The following AGTPBP1 variants were observed in gnomAD, a reference collection of about 807,000 sequenced individuals.
AGTPBP1 encodes ATP/GTP binding carboxypeptidase 1.
A neutral mutation model predicts 143.9 loss-of-function variants in AGTPBP1; 70 were observed. The ratio of observed to expected loss-of-function variants is 0.49; its 90% confidence interval spans 0.40 to 0.59. The LOEUF is 0.59. Ranked by LOEUF, AGTPBP1 falls within the 20% of genes least tolerant of loss-of-function variation. AGTPBP1 has a pLI of 0.00. For missense variants in AGTPBP1, 1,229 were observed against 1,464.5 expected, an observed-to-expected ratio of 0.84 and a Z score of 2.62; for synonymous variants, 463 against 500.2, an observed-to-expected ratio of 0.93 and a Z score of 0.99.
intron 1 of AGTPBP1, among the ~76,000 whole-genome samples, chr9:85,722,317 T>G (rs141484699): frequency 1.3e-5 from 2 of 152,236 alleles, no homozygotes; most frequent in African/African-American, 4.8e-5. Context: ...CAATCAAACG[T>G]AGATTTGGTC....
At position 85,681,510 on chromosome 9, in the gene AGTPBP1, G is replaced by C. The variant is rs117814607; in HGVS notation, c.158-175C>G. Among the ~76,000 whole-genome samples the C allele has an allele frequency of 1.2e-4, 18 of 152,158 alleles. No homozygotes were observed. The East Asian group carries it at 3.3e-3, about 28-fold the overall frequency. On this transcript the variant is annotated intron_variant, in intron 3 of 25. Coordinates refer to ENST00000357081, the MANE Select transcript of AGTPBP1 (RefSeq NM_001330701.2). Reference sequence around the variant, plus strand: ...GCTAATTCTACCATATGTGGACTTCGAGATATCAGTTAACATGGCATTCTT... The same window carrying C: ...GCTAATTCTACCATATGTGGACTTCCAGATATCAGTTAACATGGCATTCTT...
intron 7 of AGTPBP1, 44 bp from the exon 8 acceptor site, chr9:85,669,622 C>G (rs754467042): frequency 2.7e-5 from 38 of 1,396,314 alleles, no homozygotes; most frequent in Non-Finnish European, 3.8e-5. Context: ...TAAGGTTTGA[C>G]AACCAAAAAT....
At chr9:85,694,339 C>T (rs1198494884) in intron 2 of AGTPBP1, among the ~76,000 whole-genome samples, 1 of 152,108 alleles carries the variant, frequency 6.6e-6, no homozygotes, top group Non-Finnish European at 1.5e-5. Context: ...CTTGTAGGCA[C>T]ACAAGTATGA....
Position 85,633,327 on chromosome 9 carries a change from T to C in AGTPBP1, c.1350A>G (p.Gly450=), listed in dbSNP as rs1431131391. ...SKEPKPFVFE[G]KVRGPIVVPT... ...GAACAACAATAGGACCACGTACTTT[T>C]CCCTCAAATACAAAAGGCTTTGGTT... Residue 450 remains glycine, a synonymous_variant, in exon 14 of 26, where the codon GGA becomes GGG. Coordinates refer to ENST00000357081, the MANE Select transcript of AGTPBP1 (RefSeq NM_001330701.2). 2.5e-6 allele frequency: 4 copies of C among 1,598,386 alleles called. No homozygotes were observed. Among genetic ancestry groups the C allele is most frequent in the Non-Finnish European group, 2.6e-6 (3 of 1,175,942 alleles).
intron 1 of AGTPBP1, among the ~76,000 whole-genome samples, chr9:85,740,991 G>A (rs1234998232): frequency 6.6e-6 from 1 of 152,182 alleles, no homozygotes; most frequent in African/African-American, 2.4e-5. Flanking sequence ...AACTCCAATT[G>A]CCCTGGTGCT....
the AGTPBP1 span, chr9:85,785,802 C>T: frequency 5.3e-6 from 1 of 189,276 alleles, no homozygotes; most frequent in Non-Finnish European, 1.1e-5. Context: ...CATGGAAAGG[C>T]ACCAGAGGTG....
chr9:85,733,160 T>C (rs561083627), intron 1 of AGTPBP1, among the ~76,000 whole-genome samples: 4 of 152,246 alleles, frequency 2.6e-5, no homozygotes, highest in African/African-American at 9.6e-5. Flanking sequence ...AACAAGGTAC[T>C]CAACAACAGA....
At chr9:85,574,566 A>G (rs542818995) in intron 25 of AGTPBP1, among the ~76,000 whole-genome samples, 1 of 152,236 alleles carries the variant, frequency 6.6e-6, no homozygotes, top group Admixed American at 6.5e-5. Context: ...CTACCTATTT[A>G]GAAGTATATT....
Position 85,588,335 on chromosome 9 carries a change from C to T in AGTPBP1, c.2866G>A (p.Val956Ile). Residue 956 changes from valine to isoleucine, a missense_variant, in exon 21 of 26, where the codon GTC becomes ATC. Val to Ile is a conservative substitution (Grantham distance 29). Coordinates refer to ENST00000357081, the MANE Select transcript of AGTPBP1 (RefSeq NM_001330701.2). ...ACACCATCTGGATTTAACATAGGGACAATTTTAAAAATATAAGATTCTCGT... is the reference window on the plus strand; with the variant it reads ...ACACCATCTGGATTTAACATAGGGATAATTTTAAAAATATAAGATTCTCGT... ...SLRESYIFKI[V>I]PMLNPDGVIN... 6.2e-7 allele frequency: 1 copy of T among 1,609,846 alleles called. No individual in the cohort carries two copies. The highest frequency in any genetic ancestry group is 8.5e-7 in the Non-Finnish European group (1 of 1,178,512).
At chr9:85,801,125 A>G in the AGTPBP1 span, among the ~76,000 whole-genome samples, 1 of 152,116 alleles carries the variant, frequency 6.6e-6, no homozygotes, top group South Asian at 2.1e-4. Flanking sequence ...TAGCCTGGCC[A>G]TCATGGTGAA....
chr9:85,675,677 A>C (rs1834781446), intron 6 of AGTPBP1, among the ~76,000 whole-genome samples: 2 of 152,228 alleles, frequency 1.3e-5, no homozygotes, highest in Non-Finnish European at 2.9e-5. Context: ...CACATGCAAT[A>C]GAATTCCTCA....
At chr9:85,681,659 C>A (rs1835182967) in intron 3 of AGTPBP1, among the ~76,000 whole-genome samples, 1 of 151,140 alleles carries the variant, frequency 6.6e-6, no homozygotes, top group Admixed American at 6.6e-5. Flanking sequence ...ACCTCATCTT[C>A]ATGAGTAGAA....
chr9:85,743,948 A>C (rs1824552302), upstream of AGTPBP1, among the ~76,000 whole-genome samples: 1 of 142,300 alleles, frequency 7.0e-6, no homozygotes. Context: ...TTTTTGAGAC[A>C]AGACTCTCAC....
chr9:85,642,649 C>T (rs1832559433), intron 13 of AGTPBP1, among the ~76,000 whole-genome samples, 178 bp downstream of exon 13: 1 of 152,140 alleles, frequency 6.6e-6, no homozygotes, highest in Non-Finnish European at 1.5e-5. Flanking sequence ...CCTCATTTTA[C>T]AATTGCTTAA....
At chr9:85,710,064 C>G (rs1000489889) in intron 2 of AGTPBP1, among the ~76,000 whole-genome samples, 1 of 152,052 alleles carries the variant, frequency 6.6e-6, no homozygotes, top group African/African-American at 2.4e-5. Context: ...TTCTATACAC[C>G]TCAAAATTTA....
intron 14 of AGTPBP1, among the ~76,000 whole-genome samples, chr9:85,625,927 G>A (rs1198573052): frequency 6.6e-5 from 7 of 105,836 alleles, no homozygotes; most frequent in Admixed American, 9.8e-5. Flanking sequence ...TTTTTTTTAG[G>A]ATATATGAAA....
At chr9:85,770,353 G>C in the AGTPBP1 span, 5 of 1,607,746 alleles carry the variant, frequency 3.1e-6, no homozygotes, top group Non-Finnish European at 3.4e-6. Flanking sequence ...ATACAAGAAT[G>C]AAAGTATCCA....
chr9:85,579,079 C>G lies in AGTPBP1; in HGVS notation c.3183G>C (p.Leu1061=). ...DTGYRTLPKI[L]SHIAPAFCMS... ...TGCAAAATGCTGGGGCGATATGGCT[C>G]AGTATCTTAGGCAATGTCTGTTAAA... The change falls in exon 24 of 26, where the codon CTG becomes CTC. Residue 1061 remains leucine (L), a synonymous_variant. Transcript: ENST00000357081. 6.2e-7 allele frequency: 1 copy of G among 1,606,708 alleles called. No homozygotes were observed. Among genetic ancestry groups the G allele is most frequent in the Non-Finnish European group, 8.5e-7 (1 of 1,177,848 alleles).
chr9:85,761,594 C>A, the AGTPBP1 span, among the ~76,000 whole-genome samples: 4 of 152,172 alleles, frequency 2.6e-5, no homozygotes, highest in Non-Finnish European at 5.9e-5. Flanking sequence ...AAACTGGATC[C>A]CTTCCTTACA....
Sources: allele counts gnomAD v4.1 joint callset (sites outside exome capture counted in the v4.1 genomes callset), GRCh38; gene constraint gnomAD v4.1.1; transcripts MANE v1.5; gene names NCBI Gene and HGNC (gene_info 2026-07-23, HGNC 2026-07-21).